CROT: variants seen among roughly 807,000 people sequenced by gnomAD.
The protein encoded by CROT is peroxisomal carnitine O-octanoyltransferase.
Under a neutral mutation model 89.2 loss-of-function variants are expected in CROT, and 84 were observed. The ratio of observed to expected loss-of-function variants is 0.94; its 90% confidence interval spans 0.79 to 1.13. CROT has a LOEUF of 1.13. Ranked by LOEUF, CROT falls within the 50% of genes most tolerant of loss-of-function variation. CROT has a pLI of 0.00. For missense variants in CROT, 711 were observed against 727.8 expected (o/e 0.98, Z 0.27); for synonymous variants, 212 against 239.5 (o/e 0.89, Z 1.06).
chr7:87,384,746 G>A (rs1807137231), intron 13 of CROT, among the ~76,000 whole-genome samples: 1 of 152,128 alleles, frequency 6.6e-6, no homozygotes, highest in South Asian at 2.1e-4. Context: ...TTTCTGCTTT[G>A]GCTTCCATAC....
At chr7:87,394,605 G>A (rs2116215625) in intron 17 of CROT, among the ~76,000 whole-genome samples, 1 of 151,134 alleles carries the variant, frequency 6.6e-6, no homozygotes, top group Admixed American at 6.6e-5. Context: ...ACACTGGCAG[G>A]CATTAAAACT....
rs35047228 is a variant in CROT, at chr7:87,355,103, ATT to A, written c.116-4090_116-4089del. 6.5e-3 allele frequency among the ~76,000 whole-genome samples: 951 copies of A among 146,904 alleles called. 10 individuals carry two copies. Among genetic ancestry groups the A allele is most frequent in the African/African-American group, 0.015 (603 of 39,972 alleles). ...ATAACCTTTCTTACCAAAAATATGT[ATT>A]TTTTTTTTTTTTGAGATAGGGCCTC... On this transcript the variant is annotated intron_variant, in intron 3 of 17. Transcript: ENST00000331536.
rs1223252893 is a variant in CROT at position 87,365,622 on chromosome 7, C to CT, written c.548-3738dup. ...AACTAGTTTTTTGTTTTTTGTTTGT[C>CT]TTTTTTTTTTTTTTTTGGTCTGTCA... On this transcript the variant is annotated intron_variant, in intron 6 of 17. Coordinates refer to ENST00000331536, the MANE Select transcript of CROT (RefSeq NM_021151.4). Among the ~76,000 whole-genome samples, 1,215 of 128,406 alleles carry CT rather than the reference C, an allele frequency of 9.5e-3. 12 individuals carry two copies. Among genetic ancestry groups the CT allele is most frequent in the African/African-American group, 0.024 (786 of 32,778 alleles). 84.2% of individuals were successfully genotyped at this position (128,406 alleles called of 152,430 possible).
chr7:87,392,735 G>A lies in CROT; in HGVS notation c.1510G>A (p.Asp504Asn), dbSNP rs1562940151. The change falls in exon 16 of 18, where the codon GAT becomes AAT. Residue 504 changes from aspartate to asparagine, a missense_variant. Physicochemically the swap from Asp to Asn is conservative, Grantham distance 23 (BLOSUM62 1). Coordinates refer to ENST00000331536, the MANE Select transcript of CROT (RefSeq NM_021151.4). Reference protein sequence around the residue: ...MKDCSAGKGFDRHLLGLLLIA... With the variant: ...MKDCSAGKGFNRHLLGLLLIA... ...GATTTGGGGTTTCATTGCAGGATTTGATCGTCACCTTTTAGGTCTCTTACT... is the reference window on the plus strand; with the variant it reads ...GATTTGGGGTTTCATTGCAGGATTTAATCGTCACCTTTTAGGTCTCTTACT... 1 of 1,613,362 alleles carries A rather than the reference G, an allele frequency of 6.2e-7. No homozygotes were observed. The highest frequency in any genetic ancestry group is 8.5e-7 in the Non-Finnish European group (1 of 1,179,698).
intron 3 of CROT, among the ~76,000 whole-genome samples, chr7:87,351,361 A>T (rs192628728): frequency 5.9e-5 from 9 of 151,330 alleles, no homozygotes; most frequent in Admixed American, 5.3e-4. Flanking sequence ...TTTATCTCTT[A>T]TAAACCATTC....
chr7:87,391,835 C>A (rs1156845411), intron 14 of CROT, 123 bp downstream of exon 14: 33 of 971,284 alleles, frequency 3.4e-5, no homozygotes, highest in South Asian at 1.5e-4. Context: ...TTTGAGACAT[C>A]TTTTCTGAGG....
At chr7:87,358,224 T>A (rs2115826161) in intron 3 of CROT, among the ~76,000 whole-genome samples, 1 of 151,910 alleles carries the variant, frequency 6.6e-6, no homozygotes, top group Non-Finnish European at 1.5e-5. Context: ...ACGCCTGTAA[T>A]CCTAGCACTT....
chr7:87,398,385 G>A, intron 17 of CROT, 139 bp from the exon 18 acceptor site: 2 of 1,007,146 alleles, frequency 2.0e-6, no homozygotes, highest in South Asian at 1.3e-5. Flanking sequence ...CTTCAATTGT[G>A]TCAGGTTACA....
At chr7:87,351,668 G>A (rs756976007) in intron 3 of CROT, among the ~76,000 whole-genome samples, 12 of 152,330 alleles carry the variant, frequency 7.9e-5, no homozygotes, top group South Asian at 2.1e-4. Flanking sequence ...TGGTCACCAC[G>A]TTGAATGCCT....
intron 17 of CROT, among the ~76,000 whole-genome samples, chr7:87,396,504 A>C (rs1807526967): frequency 6.6e-6 from 1 of 152,170 alleles, no homozygotes; most frequent in South Asian, 2.1e-4. Flanking sequence ...ATTGAAACTA[A>C]AGCAAGTGGG....
intron 3 of CROT, among the ~76,000 whole-genome samples, chr7:87,352,538 C>T (rs1805901804): frequency 6.6e-6 from 1 of 152,200 alleles, no homozygotes; most frequent in Non-Finnish European, 1.5e-5. Context: ...CTATTTTAAT[C>T]TTGACTTGTA....
At chr7:87,366,066 C>T in intron 6 of CROT, among the ~76,000 whole-genome samples, 1 of 152,110 alleles carries the variant, frequency 6.6e-6, no homozygotes, top group East Asian at 1.9e-4. Flanking sequence ...CTAATTTGAT[C>T]CAAATTTCCC....
chr7:87,386,696 G>T (rs1246127369), intron 13 of CROT, among the ~76,000 whole-genome samples: 2 of 152,104 alleles, frequency 1.3e-5, no homozygotes, highest in African/African-American at 4.8e-5. Context: ...GGGAAGGCTG[G>T]CTAGGGCTTT....
chr7:87,354,803 T>TA (rs1326012916), intron 3 of CROT, among the ~76,000 whole-genome samples: 1 of 152,188 alleles, frequency 6.6e-6, no homozygotes, highest in African/African-American at 2.4e-5. Flanking sequence ...ATTAATACCA[T>TA]AAAAAAATCT....
At chr7:87,355,640 C>T (rs1416835243) in intron 3 of CROT, among the ~76,000 whole-genome samples, 2 of 152,122 alleles carry the variant, frequency 1.3e-5, no homozygotes, top group Non-Finnish European at 2.9e-5. Context: ...CATGCAAGCA[C>T]AGGGCGACAT....
chr7:87,369,354 T>C, intron 6 of CROT, 22 bp from the exon 7 acceptor site: 2 of 1,540,764 alleles, frequency 1.3e-6, no homozygotes, highest in Non-Finnish European at 1.8e-6. Flanking sequence ...TTGAGTCTTG[T>C]GTTTTCTGTT....
rs780026628 is a variant in CROT at position 87,369,359 on chromosome 7, T to G, written c.548-17T>G. ...AACCTTAGATTTGAGTCTTGTGTTT[T>G]CTGTTTCTGTTTCCAGAGAGTGAAG... On this transcript the variant is annotated splice_polypyrimidine_tract_variant and intron_variant, in intron 6 of 17. Coordinates refer to ENST00000331536, the MANE Select transcript of CROT (RefSeq NM_021151.4). 1 of 1,568,310 alleles carries G rather than the reference T, an allele frequency of 6.4e-7. No homozygotes were observed. The highest frequency in any genetic ancestry group is 1.2e-5 in the South Asian group (1 of 85,892).
At chr7:87,378,739 G>A (rs539866464) in intron 10 of CROT, among the ~76,000 whole-genome samples, 1 of 152,304 alleles carries the variant, frequency 6.6e-6, no homozygotes, top group South Asian at 2.1e-4. Flanking sequence ...GGGGAATCAG[G>A]TGCTTGGATG....
Position 87,392,612 on chromosome 7 carries a change from A to G in CROT, c.1472A>G (p.Asn491Ser). 4 of 1,613,582 alleles carry G rather than the reference A, an allele frequency of 2.5e-6. No individual in the cohort carries two copies. The highest frequency in any genetic ancestry group is 2.5e-6 in the Non-Finnish European group (3 of 1,179,682). The change falls in exon 15 of 18, where the codon AAT (asparagine) becomes AGT (serine). Residue 491 changes from asparagine to serine, a missense_variant. Physicochemically the swap from Asn to Ser is conservative, Grantham distance 46. Transcript: ENST00000331536. ...ATGTTACAAGCTTTTGCAAAGCATAATAAAATGATGAAAGATTGTTCAGCT... is the reference window on the plus strand; with the variant it reads ...ATGTTACAAGCTTTTGCAAAGCATAGTAAAATGATGAAAGATTGTTCAGCT... Reference protein sequence around the residue: ...QKMLQAFAKHNKMMKDCSAGK... With the variant: ...QKMLQAFAKHSKMMKDCSAGK...
Sources: gnomAD v4.1 joint callset for allele counts (sites outside exome capture counted in the v4.1 genomes callset) on GRCh38, gnomAD v4.1.1 for gene constraint, MANE v1.5 for transcripts, NCBI Gene and HGNC (gene_info 2026-07-23, HGNC 2026-07-21) for gene names.